COL6A6: variants seen among roughly 807,000 people sequenced by gnomAD.
COL6A6 encodes the protein collagen alpha-6(VI) chain.
In COL6A6, 183 loss-of-function variants were observed where a neutral mutation model predicts 208.6. The observed-to-expected ratio is 0.88, with a 90% CI of 0.78 to 0.99. The LOEUF (loss-of-function observed/expected upper bound fraction) is 0.99, where lower values mean the gene tolerates loss of function less well. Among genes scored for constraint, COL6A6 ranks in the 50% least tolerant of loss-of-function variants. The pLI is 0.00. For synonymous variants in COL6A6, 973 were observed against 1,011.8 expected (o/e 0.96, Z 0.73); for missense variants, 2,816 against 2,815.2 (o/e 1.00, Z -0.01).
chr3:130,650,530 A>G (rs1371544404), intron 33 of COL6A6, among the ~76,000 whole-genome samples: 1 of 152,026 alleles, frequency 6.6e-6, no homozygotes, highest in Non-Finnish European at 1.5e-5. Flanking sequence ...CTGAGACAGG[A>G]GAATCGCTTG....
intron 20 of COL6A6, among the ~76,000 whole-genome samples, chr3:130,601,276 A>G (rs917545847): frequency 1.3e-5 from 2 of 151,438 alleles, no homozygotes; most frequent in Non-Finnish European, 2.9e-5. Flanking sequence ...TTTATTACAC[A>G]TTGTCTTTTC....
intron 1 of COL6A6, among the ~76,000 whole-genome samples, chr3:130,547,204 C>G (rs574971821): frequency 6.6e-6 from 1 of 152,254 alleles, no homozygotes; most frequent in African/African-American, 2.4e-5. Context: ...AGCCATGCCC[C>G]GCAGGGAGGT....
intron 1 of COL6A6, among the ~76,000 whole-genome samples, chr3:130,521,681 T>G (rs1044373045): frequency 1.1e-4 from 16 of 152,214 alleles, no homozygotes; most frequent in Non-Finnish European, 2.2e-4. Context: ...TGACTCTGTC[T>G]GAGGGCTTTA....
intron 1 of COL6A6, among the ~76,000 whole-genome samples, chr3:130,550,373 T>C (rs777743596): frequency 4.6e-5 from 7 of 152,186 alleles, no homozygotes; most frequent in Non-Finnish European, 5.9e-5. Flanking sequence ...ACCATCCTTG[T>C]TTTGTTCTGG....
At chr3:130,669,672 CTA>C (rs899538827) in intron 36 of COL6A6, among the ~76,000 whole-genome samples, 8 of 151,936 alleles carry the variant, frequency 5.3e-5, no homozygotes, top group Non-Finnish European at 1.0e-4. Flanking sequence ...AAAAAACAGA[CTA>C]TGTTCAAAGA....
intron 24 of COL6A6, among the ~76,000 whole-genome samples, chr3:130,626,063 C>A (rs2064876683): frequency 1.3e-5 from 2 of 152,134 alleles, no homozygotes; most frequent in Non-Finnish European, 2.9e-5. Context: ...TTCTACTAGT[C>A]AGAAGTTAGA....
chr3:130,662,069 T>A lies in COL6A6; in HGVS notation c.6263T>A (p.Ile2088Lys). ...NLRRNKVIFV[I>K]SAGETSHLDG... ...AGAAGAAACAAAGTCATATTTGTGA[T>A]ATCTGCTGGGGAAACCAGCCACTTA... Residue 2088 changes from isoleucine (I) to lysine (K), a missense_variant, in exon 35 of 37, where the codon ATA (isoleucine) becomes AAA (lysine). By Grantham distance (102) the Ile-to-Lys change is moderately radical. Coordinates refer to ENST00000358511, the MANE Select transcript of COL6A6 (RefSeq NM_001102608.3). 6.2e-7 allele frequency: 1 copy of A among 1,614,032 alleles called. No individual in the cohort carries two copies. Among genetic ancestry groups the A allele is most frequent in the Non-Finnish European group, 8.5e-7 (1 of 1,179,892 alleles).
At chr3:130,661,313 C>G (rs916795777) in intron 34 of COL6A6, among the ~76,000 whole-genome samples, 3 of 152,198 alleles carry the variant, frequency 2.0e-5, no homozygotes, top group African/African-American at 7.2e-5. Context: ...ACAGTATACC[C>G]TTGCATGCAC....
intron 28 of COL6A6, among the ~76,000 whole-genome samples, chr3:130,640,561 G>A (rs1365540327): frequency 2.0e-5 from 3 of 152,134 alleles, no homozygotes; most frequent in African/African-American, 7.2e-5. Flanking sequence ...ATTATTTACT[G>A]TTTTATAGGT....
At position 130,614,512 on chromosome 3, in the gene COL6A6, T is replaced by C. The variant is rs569429024; in HGVS notation, c.4815+3801T>C. ...CTGCCAGGTTTTGGTATCAGGATGA[T>C]GCTGGCCTCGTAGAATGAGTTAGGG... is the stretch of plus-strand genomic sequence containing the variant. On this transcript the variant is annotated intron_variant, in intron 23 of 36. Transcript: ENST00000358511. Among the ~76,000 whole-genome samples the C allele has an allele frequency of 7.9e-5, 12 of 152,314 alleles. No homozygotes were observed. In the East Asian group the frequency reaches 1.5e-3, roughly 20 times the overall value.
At chr3:130,582,890 C>G (rs780125771) in intron 10 of COL6A6, among the ~76,000 whole-genome samples, 32 of 152,188 alleles carry the variant, frequency 2.1e-4, no homozygotes, top group Non-Finnish European at 3.1e-4. Flanking sequence ...AGAGTTGGAC[C>G]TTTGCCTCTA....
At position 130,574,032 on chromosome 3, in the gene COL6A6, A is replaced by T; in HGVS notation, c.3054A>T (p.Lys1018Asn). 6.2e-7 allele frequency: 1 copy of T among 1,613,838 alleles called. No homozygotes were observed. The highest frequency in any genetic ancestry group is 8.5e-7 in the Non-Finnish European group (1 of 1,179,802). Reference protein sequence around the residue: ...STSIQPNDFKKMKEFLASVVQ... With the variant: ...STSIQPNDFKNMKEFLASVVQ... ...GCATTCAGCCAAATGACTTCAAGAA[A>T]ATGAAGGAATTTCTGGCATCTGTTG... The change falls in exon 8 of 37, where the codon AAA (lysine) becomes AAT (asparagine). Residue 1018 changes from lysine (K) to asparagine (N), a missense_variant. Lys to Asn is a moderately conservative substitution (Grantham distance 94, BLOSUM62 0). Coordinates refer to ENST00000358511, the MANE Select transcript of COL6A6 (RefSeq NM_001102608.3).
intron 33 of COL6A6, among the ~76,000 whole-genome samples, chr3:130,657,471 C>A (rs550359714): frequency 6.6e-6 from 1 of 152,194 alleles, no homozygotes; most frequent in Non-Finnish European, 1.5e-5. Context: ...TGACTGATTA[C>A]GGTTCGGGCT....
At chr3:130,533,650 G>A (rs1001811488) in intron 1 of COL6A6, among the ~76,000 whole-genome samples, 1 of 152,146 alleles carries the variant, frequency 6.6e-6, no homozygotes, top group African/African-American at 2.4e-5. Context: ...ATTCCCAGCG[G>A]GGACCACTGT....
intron 8 of COL6A6, among the ~76,000 whole-genome samples, chr3:130,581,354 C>T (rs568820501): frequency 6.6e-6 from 1 of 152,174 alleles, no homozygotes; most frequent in East Asian, 1.9e-4. Flanking sequence ...TTTTATATGA[C>T]CTGAAAAAAT....
At chr3:130,637,969 C>A (rs974296925) in intron 28 of COL6A6, among the ~76,000 whole-genome samples, 2 of 151,994 alleles carry the variant, frequency 1.3e-5, no homozygotes, top group South Asian at 4.1e-4. Context: ...TGGCACCTAC[C>A]CACTAGATTC....
chr3:130,585,452 T>G (rs1041417249), intron 10 of COL6A6, among the ~76,000 whole-genome samples: 4 of 152,240 alleles, frequency 2.6e-5, no homozygotes, highest in Non-Finnish European at 5.9e-5. Flanking sequence ...TGTAAAGCAC[T>G]TAACCATTTC....
intron 2 of COL6A6, among the ~76,000 whole-genome samples, chr3:130,561,663 T>G (rs915723909): frequency 3.3e-5 from 2 of 61,326 alleles, no homozygotes; most frequent in Non-Finnish European, 7.1e-5. Flanking sequence ...TTTTTTTTTT[T>G]GAGACGGAGT....
chr3:130,549,611 A>G (rs1322027280), intron 1 of COL6A6, among the ~76,000 whole-genome samples: 4 of 152,018 alleles, frequency 2.6e-5, no homozygotes, highest in Non-Finnish European at 5.9e-5. Context: ...TCTTCTGCAT[A>G]TGGCTAACCA....
Sources: allele counts gnomAD v4.1 joint callset (sites outside exome capture counted in the v4.1 genomes callset), GRCh38; gene constraint gnomAD v4.1.1; transcripts MANE v1.5; gene names NCBI Gene and HGNC (gene_info 2026-07-23, HGNC 2026-07-21).